ZDHHC11: variants seen among roughly 807,000 people sequenced by gnomAD.
ZDHHC11 encodes palmitoyltransferase ZDHHC11.
A neutral mutation model predicts 51.3 loss-of-function variants in ZDHHC11; 44 were observed. The ratio of observed to expected loss-of-function variants is 0.86; its 90% CI spans 0.67 to 1.10. The LOEUF (loss-of-function observed/expected upper bound fraction) is 1.10, where lower values mean the gene tolerates loss of function less well. Ranked by LOEUF, ZDHHC11 falls within the 50% of genes least tolerant of loss-of-function variation. The pLI, the probability that ZDHHC11 is intolerant of heterozygous loss-of-function variation, is 0.00. For synonymous variants in ZDHHC11, 163 were observed against 222.0 expected (o/e 0.73, Z 2.36); for missense variants, 400 against 537.7 (o/e 0.74, Z 2.53).
chr5:824,175 G>A (rs1741960556), intron 8 of ZDHHC11: 4 of 434,316 alleles, frequency 9.2e-6, no homozygotes, highest in Non-Finnish European at 1.9e-5. Context: ...GGACCAGCCT[G>A]CGGCCTGGCG....
chr5:840,732 C>G (rs914899316), intron 4 of ZDHHC11, 82 bp from the exon 5 acceptor site: 1 of 1,595,942 alleles, frequency 6.3e-7, no homozygotes, highest in African/African-American at 1.3e-5. Flanking sequence ...CCAGAGCGTG[C>G]TGGGGATGGG....
intron 1 of ZDHHC11, among the ~76,000 whole-genome samples, chr5:849,071 C>A (rs1180744060): frequency 2.6e-5 from 4 of 152,100 alleles, no homozygotes; most frequent in African/African-American, 7.2e-5. Context: ...CACACACAGC[C>A]CTGCTCACCC....
At chr5:824,765 T>C (rs200033611) in intron 8 of ZDHHC11, among the ~76,000 whole-genome samples, 1 of 89,228 alleles carries the variant, frequency 1.1e-5, no homozygotes, top group Non-Finnish European at 1.8e-5. Flanking sequence ...CTAAGCATTT[T>C]ATTTAAAAAA....
chr5:836,783 A>T (rs1157057125), intron 6 of ZDHHC11, among the ~76,000 whole-genome samples: 2 of 150,156 alleles, frequency 1.3e-5, no homozygotes, highest in African/African-American at 4.9e-5. Context: ...GTTTCAGGCC[A>T]GGTACAGTGA....
chr5:854,516 G>A (rs1454828044), upstream of ZDHHC11, among the ~76,000 whole-genome samples: 1 of 144,552 alleles, frequency 6.9e-6, no homozygotes, highest in Non-Finnish European at 1.5e-5. Flanking sequence ...CGGGGGGAGA[G>A]ACACCATGGA....
chr5:809,584 C>G (rs1247562400), intron 11 of ZDHHC11, among the ~76,000 whole-genome samples: 4 of 147,326 alleles, frequency 2.7e-5, no homozygotes, highest in Non-Finnish European at 6.0e-5. Flanking sequence ...TGGGACTTCC[C>G]CTGCTGTGTG....
In ZDHHC11 at chr5:823,502, T is replaced by G. The variant is rs150674430; in HGVS notation, c.1024-1607A>C. On this transcript the variant is annotated intron_variant, in intron 8 of 12. Transcript: ENST00000283441. Reference sequence around the variant, plus strand: ...AGCATCTTCTTTGGACAACACTGTCTGCAGCTGTGGGCCCACTCCAAGGGG... The same window carrying G: ...AGCATCTTCTTTGGACAACACTGTCGGCAGCTGTGGGCCCACTCCAAGGGG... The G allele has an allele frequency of 1.3e-3, 193 of 152,644 alleles. 3 individuals are homozygous for G. The highest frequency in any genetic ancestry group is 2.3e-3 in the Non-Finnish European group (155 of 68,270). The allele number at this position is 152,644 out of a possible 1,614,324, so 9.5% of individuals were successfully genotyped here. A position where few individuals can be genotyped will look rare whatever the true frequency, so the allele number is the denominator to read the frequency against.
intron 11 of ZDHHC11, among the ~76,000 whole-genome samples, chr5:809,061 T>C (rs1308662737): frequency 6.7e-6 from 1 of 148,376 alleles, no homozygotes; most frequent in African/African-American, 2.5e-5. Flanking sequence ...GTTTTCCCAA[T>C]ATTTTATTAA....
intron 4 of ZDHHC11, chr5:841,229 C>T: frequency 9.6e-7 from 1 of 1,041,336 alleles, no homozygotes. Flanking sequence ...TGCCTGCCGG[C>T]TCTGCCGGGC....
rs554322490 is a variant in ZDHHC11 at position 834,967 on chromosome 5, C to T, written c.901-1160G>A. On this transcript the variant is annotated intron_variant, in intron 6 of 12. Transcript: ENST00000283441. The stretch of plus-strand genomic sequence containing the variant: ...AACCTGCAGTATCTCTCATGTGTGC[C>T]TGTATTTTTATTTTCTTAATGGTGA... Among the ~76,000 whole-genome samples, 205 of 151,972 alleles carry T rather than the reference C, an allele frequency of 1.3e-3. 1 individual carries two copies. The highest frequency in any genetic ancestry group is 4.8e-3 in the African/African-American group (200 of 41,484).
chr5:842,611 G>T, intron 4 of ZDHHC11: 1 of 985,868 alleles, frequency 1.0e-6, no homozygotes, highest in Non-Finnish European at 1.2e-6. Context: ...GAGACTGGCA[G>T]TCTTGTCCTG....
At position 797,618 on chromosome 5, in the gene ZDHHC11, T is replaced by G. The variant is rs1373043946; in HGVS notation, c.*8-1038A>C. 1.3e-5 allele frequency among the ~76,000 whole-genome samples: 2 copies of G among 151,486 alleles called. 1 individual carries two copies. The highest frequency in any genetic ancestry group is 3.8e-4 in the East Asian group (2 of 5,196). On this transcript the variant is annotated intron_variant, in intron 12 of 12. Coordinates refer to ENST00000283441, the MANE Select transcript of ZDHHC11 (RefSeq NM_024786.3). The stretch of plus-strand genomic sequence containing the variant: ...CAGTGATATTTCTCATAAGTTTTAT[T>G]TGGTGTTTTTCCATATCTGCTTTGT...
At chr5:836,892 A>G (rs1414016279) in intron 6 of ZDHHC11, among the ~76,000 whole-genome samples, 1 of 149,400 alleles carries the variant, frequency 6.7e-6, no homozygotes, top group Non-Finnish European at 1.5e-5. Context: ...CCACATCTCT[A>G]CTAAAAATAC....
At chr5:855,901 G>A (rs1184410067), upstream of ZDHHC11, among the ~76,000 whole-genome samples, 1 of 150,578 alleles carries the variant, frequency 6.6e-6, no homozygotes, top group Non-Finnish European at 1.5e-5. Flanking sequence ...GTGAGCAGTG[G>A]GGATAGACCC....
chr5:825,397 G>A, intron 7 of ZDHHC11, 146 bp from the exon 8 acceptor site: 1 of 787,324 alleles, frequency 1.3e-6, no homozygotes, highest in East Asian at 2.5e-5. Context: ...GCTCCTGGGA[G>A]GTTGTCTAAG....
At chr5:815,533 G>A (rs1227376534) in intron 10 of ZDHHC11, among the ~76,000 whole-genome samples, 3 of 151,112 alleles carry the variant, frequency 2.0e-5, no homozygotes, top group African/African-American at 4.9e-5. Flanking sequence ...GTTCTCCGAT[G>A]TCTTCACCAA....
intron 1 of ZDHHC11, among the ~76,000 whole-genome samples, chr5:857,905 CCT>C (rs751170740): frequency 1.2e-4 from 18 of 149,076 alleles, no homozygotes; most frequent in Admixed American, 2.7e-4. Flanking sequence ...ACCGTGGTCC[CCT>C]GAGTCTGTCC....
chr5:818,352 T>C (rs1741103523), intron 10 of ZDHHC11, among the ~76,000 whole-genome samples: 1 of 151,630 alleles, frequency 6.6e-6, no homozygotes. Flanking sequence ...ACTGAGTGTC[T>C]CCATATCTTT....
At chr5:812,843 AT>A (rs1415490497) in intron 11 of ZDHHC11, among the ~76,000 whole-genome samples, 1 of 151,132 alleles carries the variant, frequency 6.6e-6, no homozygotes, top group Non-Finnish European at 1.5e-5. Context: ...GAGAGGGTGA[AT>A]TTCCTGACAA....
Sources: gnomAD v4.1 joint callset for allele counts (sites outside exome capture counted in the v4.1 genomes callset) on GRCh38, gnomAD v4.1.1 for gene constraint, MANE v1.5 for transcripts, NCBI Gene and HGNC (gene_info 2026-07-23, HGNC 2026-07-21) for gene names.